The following ATOSA variants were observed in gnomAD, a reference collection of about 807,000 sequenced individuals.
ATOSA encodes the protein atos homolog A.
At chr15:52,604,654 A>G in the ATOSA span, among the ~76,000 whole-genome samples, 1 of 152,208 alleles carries the variant, frequency 6.6e-6, no homozygotes, top group African/African-American at 2.4e-5. Context: ...ATTGTGTTGC[A>G]TAACTAGGGG....
chr15:52,661,818 T>C, the ATOSA span, among the ~76,000 whole-genome samples: 1 of 151,918 alleles, frequency 6.6e-6, no homozygotes, highest in African/African-American at 2.4e-5. Flanking sequence ...CATAGGTATG[T>C]TCTTTACTTC....
chr15:52,656,985 T>G, the ATOSA span: 1 of 152,176 alleles, frequency 6.6e-6, no homozygotes, highest in Non-Finnish European at 1.5e-5. Flanking sequence ...CATTTTTTAT[T>G]ATAATAAAAT....
At chr15:52,608,983 C>A in the ATOSA span, 3 of 1,612,380 alleles carry the variant, frequency 1.9e-6, no homozygotes, top group Non-Finnish European at 8.5e-7. Flanking sequence ...AATAGTGGTG[C>A]AATTTGAATA....
At chr15:52,654,035 A>G in the ATOSA span, among the ~76,000 whole-genome samples, 3 of 152,196 alleles carry the variant, frequency 2.0e-5, no homozygotes, top group African/African-American at 4.8e-5. Context: ...TAATAAATTT[A>G]TATTTCAAAA....
the ATOSA span, chr15:52,609,469 C>G: frequency 1.9e-6 from 3 of 1,613,410 alleles, no homozygotes; most frequent in African/African-American, 2.7e-5. Context: ...AACATCTTGC[C>G]GCTCCTGGAG....
the ATOSA span, among the ~76,000 whole-genome samples, chr15:52,618,615 A>C: frequency 6.6e-6 from 1 of 152,332 alleles, no homozygotes; most frequent in Admixed American, 6.5e-5. Context: ...GGGAGTGGCT[A>C]ACTCTTGCAG....
chr15:52,634,047 T>TA, the ATOSA span, among the ~76,000 whole-genome samples: 1 of 151,424 alleles, frequency 6.6e-6, no homozygotes, highest in Non-Finnish European at 1.5e-5. Context: ...TAACTAGTAG[T>TA]AAAAAACAAA....
chr15:52,678,734 C>G, the ATOSA span: 2 of 153,222 alleles, frequency 1.3e-5, no homozygotes, highest in Non-Finnish European at 2.9e-5. Context: ...GCGGCCGGCT[C>G]CGGGGGAGGT....
chr15:52,663,647 G>C, the ATOSA span, among the ~76,000 whole-genome samples: 1 of 152,120 alleles, frequency 6.6e-6, no homozygotes, highest in African/African-American at 2.4e-5. Context: ...TCTGAGACAA[G>C]GTTACACTCT....
chr15:52,705,873 A>G, the ATOSA span, among the ~76,000 whole-genome samples: 4 of 152,072 alleles, frequency 2.6e-5, no homozygotes, highest in African/African-American at 9.7e-5. Flanking sequence ...GATTCTTTTT[A>G]CTCTATATTA....
the ATOSA span, among the ~76,000 whole-genome samples, chr15:52,612,061 T>C: frequency 4.5e-4 from 68 of 152,280 alleles, no homozygotes; most frequent in African/African-American, 1.5e-3. Context: ...CTCGGCTCAC[T>C]GCAACCTCTG....
At chr15:52,666,983 T>A in the ATOSA span, among the ~76,000 whole-genome samples, 2 of 152,050 alleles carry the variant, frequency 1.3e-5, no homozygotes, top group African/African-American at 4.8e-5. Context: ...AGACTTATAT[T>A]CTGAGCGAAG....
At chr15:52,610,558 G>A in the ATOSA span, among the ~76,000 whole-genome samples, 8 of 152,294 alleles carry the variant, frequency 5.3e-5, no homozygotes, top group Middle Eastern at 3.4e-3. Context: ...ACCAATGTAA[G>A]TGATATAATA....
At chr15:52,642,048 A>C in the ATOSA span, among the ~76,000 whole-genome samples, 10 of 152,256 alleles carry the variant, frequency 6.6e-5, no homozygotes, top group African/African-American at 2.2e-4. Flanking sequence ...ACTAAGCACA[A>C]CTATTATGAT....
At chr15:52,593,143 C>CAAA in the ATOSA span, among the ~76,000 whole-genome samples, 2 of 127,442 alleles carry the variant, frequency 1.6e-5, no homozygotes, top group Admixed American at 8.1e-5. Context: ...GAGATGCTGT[C>CAAA]AAAAAAAAAA....
At chr15:52,624,621 T>A in the ATOSA span, among the ~76,000 whole-genome samples, 1 of 152,228 alleles carries the variant, frequency 6.6e-6, no homozygotes, top group African/African-American at 2.4e-5. Flanking sequence ...TCAGCACGAT[T>A]TGACAGCTCT....
chr15:52,600,348 A>G, the ATOSA span: 1 of 578,084 alleles, frequency 1.7e-6, no homozygotes, highest in Non-Finnish European at 3.0e-6. Context: ...GCACCATCAT[A>G]GCTCATACAG....
chr15:52,602,804 A>G, the ATOSA span, among the ~76,000 whole-genome samples: 1 of 152,188 alleles, frequency 6.6e-6, no homozygotes, highest in Non-Finnish European at 1.5e-5. Flanking sequence ...CTGGTCTCAG[A>G]TAAGATTGTT....
the ATOSA span, chr15:52,609,494 A>G: frequency 1.2e-6 from 2 of 1,613,804 alleles, no homozygotes; most frequent in East Asian, 2.2e-5. Context: ...GAGCCTATCA[A>G]AGGATTAGTC....
Sources: allele counts gnomAD v4.1 joint callset (sites outside exome capture counted in the v4.1 genomes callset), GRCh38; gene constraint gnomAD v4.1.1; transcripts MANE v1.5; gene names NCBI Gene and HGNC (gene_info 2026-07-23, HGNC 2026-07-21).